Variants in WWOX observed in about 807,000 individuals in gnomAD.
WWOX encodes WW domain-containing oxidoreductase.
Under a neutral mutation model 46.2 loss-of-function variants are expected in WWOX, and 69 were observed. The observed-to-expected ratio is 1.49, with a 90% CI of 1.23 to 1.82. WWOX has a LOEUF of 1.82. Among genes scored for constraint, WWOX ranks in the 40% most tolerant of loss-of-function variants. WWOX has a pLI of 0.00. For missense variants in WWOX, 919 were observed against 542.6 expected (o/e 1.69, Z -6.89); for synonymous variants, 359 against 202.6 (o/e 1.77, Z -6.56).
At chr16:79,163,174 G>A (rs1226883566) in intron 8 of WWOX, among the ~76,000 whole-genome samples, 1 of 152,190 alleles carries the variant, frequency 6.6e-6, no homozygotes, top group Non-Finnish European at 1.5e-5. Context: ...GGGAGACACT[G>A]TGTATACAAA....
At position 78,387,991 on chromosome 16, in the gene WWOX, A is replaced by T. The variant is rs56331022; in HGVS notation, c.605+1043A>T. Among the ~76,000 whole-genome samples the T allele has an allele frequency of 4.9e-3, 747 of 152,180 alleles. 6 individuals carry two copies. Among genetic ancestry groups the T allele is most frequent in the African/African-American group, 0.017 (713 of 41,532 alleles). ...TGAAGGATGTGAGGGAAGGGATCTT[A>T]AACCAGATATTCAAATGGCCCTGTG... On this transcript the variant is annotated intron_variant, in intron 6 of 8. Coordinates refer to ENST00000566780, the MANE Select transcript of WWOX (RefSeq NM_016373.4).
chr16:78,931,958 G>A (rs139646103), intron 8 of WWOX, among the ~76,000 whole-genome samples: 66 of 152,334 alleles, frequency 4.3e-4, no homozygotes, highest in African/African-American at 1.6e-3. Flanking sequence ...ATAAAGGGCA[G>A]TTCCCCTGCA....
chr16:78,185,961 C>T (rs542125874), intron 5 of WWOX, among the ~76,000 whole-genome samples: 9 of 152,226 alleles, frequency 5.9e-5, no homozygotes, highest in African/African-American at 1.2e-4. Context: ...TCAGAGCACC[C>T]GGCCTCAAAG....
chr16:79,073,089 A>T lies in WWOX; in HGVS notation c.1057-138519A>T, dbSNP rs149283367. 2.6e-5 allele frequency among the ~76,000 whole-genome samples: 4 copies of T among 151,908 alleles called. No homozygotes were observed. The East Asian group carries it at 7.7e-4, about 29-fold the overall frequency. On this transcript the variant is annotated intron_variant, in intron 8 of 8. Coordinates refer to ENST00000566780, the MANE Select transcript of WWOX (RefSeq NM_016373.4). ...TGTGTATTCATTTCCTTTATCTAGA[A>T]ATCCTCATTATGGTACATAAAAGAG...
At chr16:78,791,922 AATAC>A (rs1272388245) in intron 8 of WWOX, among the ~76,000 whole-genome samples, 1 of 152,112 alleles carries the variant, frequency 6.6e-6, no homozygotes, top group East Asian at 1.9e-4. Flanking sequence ...AGAAACAAAA[AATAC>A]ATAGAAGAGG....
rs185747105 is a variant in WWOX at position 78,634,406 on chromosome 16, C to T, written c.1056+201654C>T. Among the ~76,000 whole-genome samples the T allele has an allele frequency of 3.2e-3, 488 of 152,202 alleles. 5 individuals carry two copies. The highest frequency in any genetic ancestry group is 0.011 in the African/African-American group (465 of 41,528). Reference sequence around the variant, plus strand: ...TGTTTGACTGGGAGAGCAAGTGGAGCTGTTCAAAGTTGTAGGGACAGCCGG... The same window carrying T: ...TGTTTGACTGGGAGAGCAAGTGGAGTTGTTCAAAGTTGTAGGGACAGCCGG... On this transcript the variant is annotated intron_variant, in intron 8 of 8. Transcript: ENST00000566780.
At chr16:78,237,163 G>A (rs915529646) in intron 5 of WWOX, among the ~76,000 whole-genome samples, 2 of 151,362 alleles carry the variant, frequency 1.3e-5, no homozygotes, top group Non-Finnish European at 1.5e-5. Context: ...ATGATTCAAA[G>A]TCTGACTGAT....
chr16:78,404,423 CGTG>C (rs1567552124), intron 6 of WWOX, among the ~76,000 whole-genome samples: 5 of 151,990 alleles, frequency 3.3e-5, no homozygotes, highest in Non-Finnish European at 7.4e-5. Flanking sequence ...CCATTTTGGG[CGTG>C]AGAAGCTGAG....
intron 5 of WWOX, among the ~76,000 whole-genome samples, chr16:78,380,418 T>C (rs574650997): frequency 1.4e-4 from 22 of 152,250 alleles, no homozygotes; most frequent in Non-Finnish European, 8.8e-5. Flanking sequence ...GAAGATGCTA[T>C]AGGGATAAAT....
intron 8 of WWOX, among the ~76,000 whole-genome samples, chr16:78,742,153 G>A (rs1228092409): frequency 6.6e-6 from 1 of 152,120 alleles, no homozygotes; most frequent in Non-Finnish European, 1.5e-5. Flanking sequence ...GCAATGTTTT[G>A]TAATATTACA....
At chr16:78,288,551 T>G (rs1357517662) in intron 5 of WWOX, among the ~76,000 whole-genome samples, 1 of 152,192 alleles carries the variant, frequency 6.6e-6, no homozygotes, top group African/African-American at 2.4e-5. Context: ...TGCCTCTCTT[T>G]CCTTAGTCCT....
intron 5 of WWOX, among the ~76,000 whole-genome samples, chr16:78,231,591 A>T (rs59385940): frequency 0.16 from 24,301 of 152,102 alleles, 2,444 homozygotes; most frequent in East Asian, 0.38. Flanking sequence ...TTTTGTCTTT[A>T]TGGTGTTTTT....
At chr16:78,351,485 C>T (rs1048461077) in intron 5 of WWOX, among the ~76,000 whole-genome samples, 12 of 152,100 alleles carry the variant, frequency 7.9e-5, no homozygotes, top group African/African-American at 2.2e-4. Context: ...TTAGGTGGGG[C>T]AGAGGGGTGG....
rs1422212846 is a variant in WWOX at position 78,350,722 on chromosome 16, C to T, written c.517-36138C>T. 1.7e-5 allele frequency among the ~76,000 whole-genome samples: 2 copies of T among 121,122 alleles called. 1 individual carries two copies. Among genetic ancestry groups the T allele is most frequent in the Non-Finnish European group, 4.0e-5 (2 of 50,592 alleles). The allele number at this position is 121,122 out of a possible 152,430, so 79.5% of individuals were successfully genotyped here. On this transcript the variant is annotated intron_variant, in intron 5 of 8. Coordinates refer to ENST00000566780, the MANE Select transcript of WWOX (RefSeq NM_016373.4). ...CAGTTCACGGACATGTAGGTTGTTT[C>T]CACATTTTGGCTATTGTGCATAATG...
intron 5 of WWOX, among the ~76,000 whole-genome samples, chr16:78,381,317 G>A (rs373957002): frequency 3.9e-5 from 6 of 152,256 alleles, no homozygotes; most frequent in East Asian, 1.9e-4. Context: ...ACTAACACAG[G>A]TTTCAGTATA....
rs542606265 is a variant in WWOX at position 78,862,180 on chromosome 16, A to G, written c.1057-349428A>G. Among the ~76,000 whole-genome samples, 8 of 151,542 alleles carry G rather than the reference A, an allele frequency of 5.3e-5. No individual in the cohort carries two copies. The South Asian group carries it at 1.5e-3, about 28-fold the overall frequency. ...TGTCTGTCTGTATCTATACACACCG[A>G]TGGGTGTGTCTGTCTGTATCTTTAC... On this transcript the variant is annotated intron_variant, in intron 8 of 8. Transcript: ENST00000566780.
chr16:78,967,377 G>A (rs772684167), intron 8 of WWOX, among the ~76,000 whole-genome samples: 10 of 134,102 alleles, frequency 7.5e-5, no homozygotes, highest in Non-Finnish European at 1.2e-4. Flanking sequence ...GCAGCCTCCC[G>A]GGCTCAAGCT....
intron 5 of WWOX, among the ~76,000 whole-genome samples, chr16:78,169,807 T>TGA (rs2035095329): frequency 6.6e-6 from 1 of 151,804 alleles, no homozygotes; most frequent in Non-Finnish European, 1.5e-5. Context: ...GGCGGTGGAT[T>TGA]GAGAGAGAGG....
At chr16:78,432,838 G>C in intron 8 of WWOX, 86 bp downstream of exon 8, 1 of 1,593,168 alleles carries the variant, frequency 6.3e-7, no homozygotes, top group Admixed American at 1.7e-5. Context: ...ACCTCTTGCG[G>C]GCATGAGTCT....
Sources: gnomAD v4.1 joint callset for allele counts (sites outside exome capture counted in the v4.1 genomes callset) on GRCh38, gnomAD v4.1.1 for gene constraint, MANE v1.5 for transcripts, NCBI Gene and HGNC (gene_info 2026-07-23, HGNC 2026-07-21) for gene names.